Variants in ELMO1 observed in about 807,000 individuals in gnomAD.
ELMO1 encodes engulfment and cell motility protein 1.
In ELMO1, 26 loss-of-function variants were observed where a neutral mutation model predicts 98.9. The observed-to-expected ratio is 0.26, with a 90% CI of 0.19 to 0.36. ELMO1 has a LOEUF of 0.36. ELMO1 is among the 10% of genes least tolerant of loss of function. ELMO1 has a pLI of 1.00. For missense variants in ELMO1, 627 were observed against 935.2 expected, an observed-to-expected ratio of 0.67 and a Z score of 4.30; for synonymous variants, 346 against 346.0, an observed-to-expected ratio of 1.00 and a Z score of 0.00.
At chr7:37,106,097 C>T (rs950418238) in intron 14 of ELMO1, among the ~76,000 whole-genome samples, 5 of 152,160 alleles carry the variant, frequency 3.3e-5, no homozygotes, top group Non-Finnish European at 5.9e-5. Context: ...AACTCTCAAG[C>T]GTTTAGCTCA....
chr7:37,162,675 T>C (rs1046667422), intron 13 of ELMO1, among the ~76,000 whole-genome samples: 2 of 152,164 alleles, frequency 1.3e-5, no homozygotes, highest in South Asian at 2.1e-4. Context: ...AATAAATATA[T>C]GTCAAGATTT....
intron 14 of ELMO1, among the ~76,000 whole-genome samples, chr7:37,111,992 A>G (rs1249014579): frequency 6.6e-6 from 1 of 152,124 alleles, no homozygotes; most frequent in East Asian, 1.9e-4. Context: ...GCCCAATTTG[A>G]TGGTCCCACC....
intron 14 of ELMO1, among the ~76,000 whole-genome samples, chr7:37,112,498 T>C (rs1785310401): frequency 6.6e-6 from 1 of 152,150 alleles, no homozygotes. Context: ...TTCCTGATCT[T>C]GGCAAATGCA....
chr7:36,977,294 A>T (rs1360444844), intron 16 of ELMO1, among the ~76,000 whole-genome samples: 1 of 152,242 alleles, frequency 6.6e-6, no homozygotes, highest in Non-Finnish European at 1.5e-5. Flanking sequence ...CATTAAAGGA[A>T]TATGCAAAAT....
chr7:37,399,029 C>T (rs527862174), intron 1 of ELMO1, among the ~76,000 whole-genome samples: 1 of 152,328 alleles, frequency 6.6e-6, no homozygotes, highest in South Asian at 2.1e-4. Context: ...GGTCAGATTC[C>T]ACATCCTGCC....
intron 14 of ELMO1, among the ~76,000 whole-genome samples, chr7:37,124,998 T>C (rs1008005415): frequency 9.2e-5 from 14 of 152,322 alleles, no homozygotes; most frequent in African/African-American, 3.4e-4. Context: ...TACAACTATC[T>C]GATCTTTGAC....
At chr7:37,156,970 C>T (rs765713964) in intron 13 of ELMO1, among the ~76,000 whole-genome samples, 14 of 152,118 alleles carry the variant, frequency 9.2e-5, no homozygotes, top group African/African-American at 1.7e-4. Flanking sequence ...TTATCCACCA[C>T]GAGCAAGTCT....
chr7:37,238,642 T>A (rs1224803598), intron 7 of ELMO1, among the ~76,000 whole-genome samples: 1 of 152,190 alleles, frequency 6.6e-6, no homozygotes, highest in Non-Finnish European at 1.5e-5. Context: ...GTCTGTAGGG[T>A]AGAAAACATT....
At position 36,854,086 on chromosome 7, in the gene ELMO1, A is replaced by T. The variant is rs6462720; in HGVS notation, c.*1465T>A. On this transcript the variant is annotated 3_prime_UTR_variant, in exon 22 of 22. Coordinates refer to ENST00000310758, the MANE Select transcript of ELMO1 (RefSeq NM_014800.11). Reference sequence around the variant, plus strand: ...CAAGAGACAGCAATGTAAAAGGAATAGATATTTTCATACAGTGGGTCTGAT... The same window carrying T: ...CAAGAGACAGCAATGTAAAAGGAATTGATATTTTCATACAGTGGGTCTGAT... Among the ~76,000 whole-genome samples, 73,345 of 152,046 alleles carry T rather than the reference A, an allele frequency of 0.48. 18,068 individuals carry two copies. The highest frequency in any genetic ancestry group is 0.57 in the South Asian group (2,751 of 4,820).
At chr7:37,024,359 T>C (rs181806468) in intron 15 of ELMO1, among the ~76,000 whole-genome samples, 5 of 152,338 alleles carry the variant, frequency 3.3e-5, no homozygotes, top group African/African-American at 1.2e-4. Context: ...TGGGAAGCCA[T>C]TAAAGGGGTT....
chr7:37,266,885 C>G (rs561183763), intron 5 of ELMO1, among the ~76,000 whole-genome samples: 1 of 151,862 alleles, frequency 6.6e-6, no homozygotes, highest in Non-Finnish European at 1.5e-5. Flanking sequence ...TGATGGCGTA[C>G]GCCTGTAGTC....
At chr7:37,112,102 A>T (rs1467742934) in intron 14 of ELMO1, among the ~76,000 whole-genome samples, 1 of 152,180 alleles carries the variant, frequency 6.6e-6, no homozygotes, top group African/African-American at 2.4e-5. Flanking sequence ...GGGAAAAAAG[A>T]GGAACACAAC....
intron 2 of ELMO1, among the ~76,000 whole-genome samples, chr7:37,319,993 C>T (rs564764695): frequency 1.2e-4 from 19 of 152,228 alleles, no homozygotes; most frequent in Admixed American, 7.2e-4. Context: ...TGGTGGCTCA[C>T]GCCTGTAATC....
At chr7:37,104,296 G>T (rs942880763) in intron 14 of ELMO1, among the ~76,000 whole-genome samples, 3 of 150,766 alleles carry the variant, frequency 2.0e-5, no homozygotes, top group Non-Finnish European at 4.4e-5. Context: ...GCAAAATAAA[G>T]CATTCTCAGA....
At chr7:36,974,161 A>C (rs1030720588) in intron 16 of ELMO1, among the ~76,000 whole-genome samples, 1 of 152,250 alleles carries the variant, frequency 6.6e-6, no homozygotes, top group Non-Finnish European at 1.5e-5. Context: ...CTCCACCTGC[A>C]GCCCCGGTGT....
At chr7:36,879,494 T>C (rs544477416) in intron 18 of ELMO1, among the ~76,000 whole-genome samples, 1 of 152,382 alleles carries the variant, frequency 6.6e-6, no homozygotes, top group East Asian at 1.9e-4. Flanking sequence ...TGGTTTTCTC[T>C]CTAAAATTGC....
intron 16 of ELMO1, among the ~76,000 whole-genome samples, chr7:36,907,676 T>C (rs1784059607): frequency 6.6e-6 from 1 of 152,192 alleles, no homozygotes; most frequent in African/African-American, 2.4e-5. Context: ...GGGTCTCCCA[T>C]TCTCTCACCC....
intron 15 of ELMO1, among the ~76,000 whole-genome samples, chr7:37,056,933 A>C (rs1429736465): frequency 6.6e-6 from 1 of 152,218 alleles, no homozygotes; most frequent in African/African-American, 2.4e-5. Context: ...GATAGTATCT[A>C]TTTCATAGGA....
At chr7:37,379,704 G>A (rs1802507124) in intron 1 of ELMO1, among the ~76,000 whole-genome samples, 1 of 152,164 alleles carries the variant, frequency 6.6e-6, no homozygotes, top group South Asian at 2.1e-4. Context: ...CAGCTGGCAT[G>A]GCAAACTTCC....
Sources: gnomAD v4.1 joint callset for allele counts (sites outside exome capture counted in the v4.1 genomes callset) on GRCh38, gnomAD v4.1.1 for gene constraint, MANE v1.5 for transcripts, NCBI Gene and HGNC (gene_info 2026-07-23, HGNC 2026-07-21) for gene names.